LGR4: variants seen among roughly 807,000 people sequenced by gnomAD.
LGR4 encodes leucine rich repeat containing G protein-coupled receptor 4.
A neutral mutation model predicts 84.8 loss-of-function variants in LGR4; 44 were observed. The ratio of observed to expected loss-of-function variants is 0.52; its 90% CI spans 0.41 to 0.67. The LOEUF (loss-of-function observed/expected upper bound fraction) is 0.67, where lower values mean the gene tolerates loss of function less well. Among genes scored for constraint, LGR4 ranks in the 30% least tolerant of loss-of-function variants. The pLI, the probability that LGR4 is intolerant of heterozygous loss-of-function variation, is 0.00. For missense variants in LGR4, 1,032 were observed against 1,131.4 expected, an observed-to-expected ratio of 0.91 and a Z score of 1.26; for synonymous variants, 429 against 434.3, an observed-to-expected ratio of 0.99 and a Z score of 0.15.
chr11:27,450,517 GGT>G (rs1389650788), intron 1 of LGR4, among the ~76,000 whole-genome samples: 1 of 151,902 alleles, frequency 6.6e-6, no homozygotes, highest in Non-Finnish European at 1.5e-5. Context: ...GGCCAGGCAC[GGT>G]GGCTCACGTC....
At chr11:27,381,721 A>G (rs915840907) in intron 7 of LGR4, among the ~76,000 whole-genome samples, 7 of 152,132 alleles carry the variant, frequency 4.6e-5, no homozygotes, top group Admixed American at 4.6e-4. Context: ...AAAAAAATAA[A>G]AACAAAAATG....
chr11:27,430,298 C>A (rs1864094533), intron 1 of LGR4, among the ~76,000 whole-genome samples: 1 of 151,940 alleles, frequency 6.6e-6, no homozygotes, highest in South Asian at 2.1e-4. Flanking sequence ...TCACTACATG[C>A]CAACAATTAA....
chr11:27,432,803 T>C (rs1389411103), intron 1 of LGR4, among the ~76,000 whole-genome samples: 2 of 152,192 alleles, frequency 1.3e-5, no homozygotes, highest in Non-Finnish European at 2.9e-5. Flanking sequence ...CCTATATTCT[T>C]CCGCTCTGGC....
At chr11:27,463,067 CAAAAAAAAAAA>C (rs35718980) in intron 1 of LGR4, among the ~76,000 whole-genome samples, 13 of 51,038 alleles carry the variant, frequency 2.5e-4, no homozygotes, top group East Asian at 1.5e-3. Context: ...ACCCTGTCTC[CAAAAAAAAAAA>C]AAAAAAAAAA....
At chr11:27,465,083 A>G (rs1466262556) in intron 1 of LGR4, among the ~76,000 whole-genome samples, 2 of 152,258 alleles carry the variant, frequency 1.3e-5, no homozygotes, top group African/African-American at 4.8e-5. Flanking sequence ...TCACTAGCAC[A>G]AACAGCAGGC....
At chr11:27,431,424 C>T (rs1303948561) in intron 1 of LGR4, among the ~76,000 whole-genome samples, 2 of 152,214 alleles carry the variant, frequency 1.3e-5, no homozygotes, top group East Asian at 3.9e-4. Context: ...AAGAGCTAGT[C>T]TACCTTGTTC....
chr11:27,405,095 TC>T (rs1863579222), intron 2 of LGR4, among the ~76,000 whole-genome samples: 3 of 152,286 alleles, frequency 2.0e-5, no homozygotes, highest in Admixed American at 6.5e-5. Context: ...CTATTAGCAG[TC>T]CCCAAATGTC....
intron 1 of LGR4, among the ~76,000 whole-genome samples, chr11:27,439,050 C>T (rs1590394614): frequency 6.6e-6 from 1 of 152,256 alleles, no homozygotes; most frequent in East Asian, 1.9e-4. Flanking sequence ...GGTTAAAAAA[C>T]CCTGATGTAT....
chr11:27,383,108 G>C (rs956059718), intron 6 of LGR4, among the ~76,000 whole-genome samples: 2 of 152,200 alleles, frequency 1.3e-5, no homozygotes, highest in Non-Finnish European at 1.5e-5. Context: ...TGAATTATTG[G>C]GAATTTTACA....
intron 1 of LGR4, among the ~76,000 whole-genome samples, chr11:27,413,779 G>C (rs569062475): frequency 1.6e-4 from 24 of 152,210 alleles, no homozygotes; most frequent in South Asian, 6.2e-4. Context: ...ATTGGTATGA[G>C]GAAGGAGAAG....
intron 1 of LGR4, among the ~76,000 whole-genome samples, chr11:27,446,454 T>C (rs1348682345): frequency 1.3e-5 from 2 of 151,822 alleles, no homozygotes; most frequent in Non-Finnish European, 2.9e-5. Context: ...TCACTGGCCA[T>C]CAGAGAAATG....
chr11:27,428,988 G>C (rs1864071061), intron 1 of LGR4, among the ~76,000 whole-genome samples: 1 of 152,152 alleles, frequency 6.6e-6, no homozygotes, highest in African/African-American at 2.4e-5. Context: ...TGTTGGATCT[G>C]TTGGGTCATG....
intron 7 of LGR4, among the ~76,000 whole-genome samples, chr11:27,381,714 A>AT (rs1863098109): frequency 6.6e-6 from 1 of 152,072 alleles, no homozygotes; most frequent in Admixed American, 6.6e-5. Context: ...ATCAAAAAAA[A>AT]AAATAAAAAC....
chr11:27,417,225 C>G (rs565154683), intron 1 of LGR4, among the ~76,000 whole-genome samples: 42 of 151,556 alleles, frequency 2.8e-4, no homozygotes, highest in South Asian at 1.0e-3. Context: ...CAAGAGAACA[C>G]AGGGTTCTCT....
At chr11:27,463,970 A>T (rs1480551098) in intron 1 of LGR4, among the ~76,000 whole-genome samples, 1 of 152,248 alleles carries the variant, frequency 6.6e-6, no homozygotes, top group Non-Finnish European at 1.5e-5. Flanking sequence ...TAAAATACGC[A>T]AAATCTGAAT....
In LGR4 at chr11:27,379,061, G is replaced by C. The variant is rs1036305034; in HGVS notation, c.972-293C>G. ...TCTACAGTCACACAGTCTGATCACA[G>C]TTAATTGCAAGTTGTCACCTTCTTA... On this transcript the variant is annotated intron_variant, in intron 10 of 17. Coordinates refer to ENST00000379214, the MANE Select transcript of LGR4 (RefSeq NM_018490.5). The C allele has an allele frequency of 1.7e-5, 6 of 349,738 alleles. No homozygotes were observed. The South Asian group carries it at 3.8e-4, about 22-fold the overall frequency. 21.7% of individuals were successfully genotyped at this position (349,738 alleles called of 1,614,324 possible).
chr11:27,472,209 G>A lies in LGR4; in HGVS notation c.94C>T (p.Pro32Ser). 2.2e-6 allele frequency: 3 copies of A among 1,382,348 alleles called. No homozygotes were observed. The highest frequency in any genetic ancestry group is 3.0e-5 in the African/African-American group (2 of 65,844). The allele number at this position is 1,382,348 out of a possible 1,614,324, so 85.6% of individuals were successfully genotyped here. A position where few individuals can be genotyped will look rare whatever the true frequency, so the allele number is the denominator to read the frequency against. ...SGAAPPLCAAPCSCDGDRRVD... is the reference protein window; with the variant it reads ...SGAAPPLCAASCSCDGDRRVD... ...CGACGGTCGCCGTCGCAGCTGCAGG[G>A]CGCCGCGCAGAGAGGCGGCGCCGCG... Residue 32 changes from proline to serine, a missense_variant, in exon 1 of 18, where the codon CCC becomes TCC. Physicochemically the swap from Pro to Ser is moderately conservative, Grantham distance 74 (BLOSUM62 -1). Coordinates refer to ENST00000379214, the MANE Select transcript of LGR4 (RefSeq NM_018490.5).
In LGR4 at chr11:27,368,009, T is replaced by G; in HGVS notation, c.2714A>C (p.His905Pro). Residue 905 changes from histidine to proline, a missense_variant, in exon 18 of 18, where the codon CAC becomes CCC. Physicochemically the swap from His to Pro is moderately conservative, Grantham distance 77 (BLOSUM62 -2). Coordinates refer to ENST00000379214, the MANE Select transcript of LGR4 (RefSeq NM_018490.5). ...ATCTTCTTCATCTGCATAATCAGAG[T>G]GGGCCGACTGTGTGCCACAGTCGGA... ...YWSDCGTQSA[H>P]SDYADEEDSF... The G allele has an allele frequency of 6.2e-7, 1 of 1,614,052 alleles. No individual in the cohort carries two copies. Among genetic ancestry groups the G allele is most frequent in the East Asian group, 2.2e-5 (1 of 44,872 alleles).
chr11:27,466,136 A>T (rs1413886740), intron 1 of LGR4, among the ~76,000 whole-genome samples: 2 of 152,250 alleles, frequency 1.3e-5, no homozygotes, highest in African/African-American at 4.8e-5. Flanking sequence ...CTTATAAAGA[A>T]TACTCTAAGT....
Sources: allele counts gnomAD v4.1 joint callset (sites outside exome capture counted in the v4.1 genomes callset), GRCh38; gene constraint gnomAD v4.1.1; transcripts MANE v1.5; gene names NCBI Gene and HGNC (gene_info 2026-07-23, HGNC 2026-07-21).